Variants in IQSEC1 observed in about 807,000 individuals in gnomAD.
IQSEC1 encodes IQ motif and SEC7 domain-containing protein 1.
Under a neutral mutation model 91.0 loss-of-function variants are expected in IQSEC1, and 31 were observed. That is an observed-to-expected ratio of 0.34 (90% confidence interval 0.26 to 0.46). The LOEUF (loss-of-function observed/expected upper bound fraction) is 0.46, where lower values mean the gene tolerates loss of function less well. Ranked by LOEUF, IQSEC1 falls within the 20% of genes least tolerant of loss-of-function variation. The pLI is 1.00. For missense variants in IQSEC1, 1,388 were observed against 1,575.6 expected (o/e 0.88, Z 2.02); for synonymous variants, 699 against 662.6 (o/e 1.05, Z -0.84).
At chr3:13,247,487 C>T (rs532631787) in intron 1 of IQSEC1, among the ~76,000 whole-genome samples, 4 of 152,320 alleles carry the variant, frequency 2.6e-5, no homozygotes, top group East Asian at 3.9e-4. Flanking sequence ...GACCCTGCCT[C>T]GGCTGATAAA....
intron 1 of IQSEC1, among the ~76,000 whole-genome samples, chr3:13,265,120 A>G (rs673256): frequency 0.7 from 106,433 of 152,066 alleles, 37,588 homozygotes; most frequent in East Asian, 0.98. Flanking sequence ...GCGTCCCCTC[A>G]ACCTGTCCAA....
chr3:13,033,861 A>C (rs529602305), intron 1 of IQSEC1, among the ~76,000 whole-genome samples: 4 of 152,254 alleles, frequency 2.6e-5, no homozygotes, highest in Admixed American at 2.6e-4. Flanking sequence ...TGTTCATTTC[A>C]TCCAGAAACA....
At chr3:13,016,740 A>G (rs1703150517) in intron 1 of IQSEC1, among the ~76,000 whole-genome samples, 1 of 152,178 alleles carries the variant, frequency 6.6e-6, no homozygotes, top group Non-Finnish European at 1.5e-5. Context: ...TTTTCTTTTC[A>G]AACAGTCTTA....
intron 12 of IQSEC1, among the ~76,000 whole-genome samples, chr3:12,905,366 C>T (rs1575848100): frequency 6.6e-6 from 1 of 152,276 alleles, no homozygotes; most frequent in Non-Finnish European, 1.5e-5. Flanking sequence ...TGACCCTCAA[C>T]AATGCTGTGG....
intron 12 of IQSEC1, among the ~76,000 whole-genome samples, 199 bp from the exon 13 acceptor site, chr3:12,903,021 G>A (rs1260596212): frequency 6.6e-6 from 1 of 151,988 alleles, no homozygotes; most frequent in Non-Finnish European, 1.5e-5. Flanking sequence ...GTGCAAGAAT[G>A]AATTTTAAAA....
At chr3:13,208,321 C>T (rs908649137) in intron 1 of IQSEC1, among the ~76,000 whole-genome samples, 3 of 152,022 alleles carry the variant, frequency 2.0e-5, no homozygotes, top group African/African-American at 7.3e-5. Context: ...AAAGGGCACA[C>T]AGGGCCCTTC....
intron 1 of IQSEC1, among the ~76,000 whole-genome samples, chr3:13,219,594 G>A (rs1009522379): frequency 1.3e-5 from 2 of 152,272 alleles, no homozygotes; most frequent in East Asian, 3.8e-4. Flanking sequence ...GGGGATCAGC[G>A]GAGGTGTGAA....
chr3:13,276,852 T>C (rs912896671), intron 1 of IQSEC1, among the ~76,000 whole-genome samples: 4 of 152,096 alleles, frequency 2.6e-5, no homozygotes, highest in Non-Finnish European at 5.9e-5. Context: ...AGTCATTTGG[T>C]TGCAGCCTGG....
intron 2 of IQSEC1, among the ~76,000 whole-genome samples, chr3:13,085,608 T>G (rs1370619058): frequency 6.6e-6 from 1 of 152,166 alleles, no homozygotes; most frequent in Non-Finnish European, 1.5e-5. Context: ...GCACCCACGG[T>G]TGACAACAGC....
intron 2 of IQSEC1, among the ~76,000 whole-genome samples, chr3:13,101,495 G>A (rs1706062940): frequency 6.6e-6 from 1 of 151,868 alleles, no homozygotes; most frequent in African/African-American, 2.4e-5. Context: ...GGTCTGGGAA[G>A]GCCCCGGGAA....
intron 1 of IQSEC1, among the ~76,000 whole-genome samples, chr3:12,990,121 C>T (rs1701921467): frequency 6.6e-6 from 1 of 152,198 alleles, no homozygotes; most frequent in Admixed American, 6.5e-5. Flanking sequence ...AACACGTTGG[C>T]ACTTTTAGGA....
At chr3:13,272,468 G>C (rs1321103219) in intron 1 of IQSEC1, among the ~76,000 whole-genome samples, 1 of 152,250 alleles carries the variant, frequency 6.6e-6, no homozygotes, top group Non-Finnish European at 1.5e-5. Flanking sequence ...TCTGGTGAAA[G>C]GGAAAGTTGG....
intron 1 of IQSEC1, among the ~76,000 whole-genome samples, chr3:13,222,067 C>T (rs943721477): frequency 2.0e-5 from 3 of 152,140 alleles, no homozygotes; most frequent in Non-Finnish European, 2.9e-5. Context: ...CCATTTTAAG[C>T]GCACACTTCA....
At chr3:12,915,011 C>A in intron 8 of IQSEC1, 93 bp downstream of exon 8, 1 of 1,327,876 alleles carries the variant, frequency 7.5e-7, no homozygotes, top group Non-Finnish European at 1.1e-6. Context: ...AGCACTTGGG[C>A]TCTGGGAGCC....
chr3:13,004,880 G>A (rs756854958), intron 1 of IQSEC1, among the ~76,000 whole-genome samples: 9 of 152,148 alleles, frequency 5.9e-5, no homozygotes, highest in Non-Finnish European at 1.2e-4. Context: ...CTTGACTCCT[G>A]GGAGCTGCTC....
intron 1 of IQSEC1, among the ~76,000 whole-genome samples, chr3:12,987,447 AG>A (rs1209441008): frequency 2.0e-5 from 3 of 152,340 alleles, no homozygotes; most frequent in African/African-American, 7.2e-5. Flanking sequence ...TGTGTCAGAG[AG>A]AGAGAGAGAG....
At chr3:13,130,743 C>A (rs1269564487) in intron 2 of IQSEC1, among the ~76,000 whole-genome samples, 1 of 151,878 alleles carries the variant, frequency 6.6e-6, no homozygotes, top group Admixed American at 6.6e-5. Flanking sequence ...TTGAAATCAG[C>A]CTGGGGAACA....
At chr3:13,003,276 C>CGAA (rs1702499639) in intron 1 of IQSEC1, among the ~76,000 whole-genome samples, 1 of 57,106 alleles carries the variant, frequency 1.8e-5, no homozygotes, top group Non-Finnish European at 3.2e-5. Context: ...CTGTCTCTAC[C>CGAA]AAAAAAAAAA....
chr3:13,112,589 C>G (rs552626022), intron 2 of IQSEC1, among the ~76,000 whole-genome samples: 101 of 130,714 alleles, frequency 7.7e-4, no homozygotes, highest in East Asian at 5.0e-3. Context: ...GCGTGCTGGC[C>G]CCCAGGCACC....
Sources: allele counts gnomAD v4.1 joint callset (sites outside exome capture counted in the v4.1 genomes callset), GRCh38; gene constraint gnomAD v4.1.1; transcripts MANE v1.5; gene names NCBI Gene and HGNC (gene_info 2026-07-23, HGNC 2026-07-21).